The following SUGP2 variants were observed in gnomAD, a reference collection of about 807,000 sequenced individuals.
SUGP2 encodes SURP and G-patch domain-containing protein 2.
SUGP2 carries 24 observed loss-of-function variants against 90.5 expected under a neutral mutation model. The ratio of observed to expected loss-of-function variants is 0.27; its 90% CI spans 0.19 to 0.37. SUGP2 has a LOEUF of 0.37. SUGP2 is among the 10% of genes least tolerant of loss of function. The probability of loss-of-function intolerance (pLI) is 1.00; values close to 1 mark genes in which losing one functional copy is unlikely to be tolerated. For synonymous variants in SUGP2, 473 were observed against 513.4 expected (o/e 0.92, Z 1.06); for missense variants, 1,233 against 1,363.3 (o/e 0.90, Z 1.51).
At position 19,025,229 on chromosome 19, in the gene SUGP2, T is replaced by C; in HGVS notation, c.1119A>G (p.Leu373=). The change falls in exon 3 of 11, where the codon TTA becomes TTG. Residue 373 remains leucine (L), a synonymous_variant. Transcript: ENST00000452918. ...AGCAAAAATCTCTGTGCTCTGGTTT[T>C]AAGGAACATTTGAATGAGGCAAGCA... The part of the protein sequence containing the change: ...AKMLASFKCS[L]KPEHRDFCFF... The C allele has an allele frequency of 6.2e-7, 1 of 1,613,218 alleles. No individual in the cohort carries two copies. The highest frequency in any genetic ancestry group is 1.3e-5 in the African/African-American group (1 of 75,048).
chr19:18,991,572 T>C lies in SUGP2; in HGVS notation c.*2169A>G, dbSNP rs1380746065. On this transcript the variant is annotated 3_prime_UTR_variant, in exon 11 of 11. Transcript: ENST00000452918. ...CATTTAACTTTTTAATAAAATGAAG[T>C]GGAGAAAGTCAAGAATGAACATGCT... The C allele has an allele frequency of 6.6e-6, 1 of 152,090 alleles. No individual in the cohort carries two copies. Among genetic ancestry groups the C allele is most frequent in the African/African-American group, 2.4e-5 (1 of 41,392 alleles). 9.4% of individuals were successfully genotyped at this position (152,090 alleles called of 1,614,324 possible).
chr19:19,022,160 A>G (rs2058752579), intron 3 of SUGP2, among the ~76,000 whole-genome samples: 1 of 151,772 alleles, frequency 6.6e-6, no homozygotes, highest in Admixed American at 6.6e-5. Context: ...AATTTTTTGT[A>G]TTTTTAGTAG....
intron 3 of SUGP2, among the ~76,000 whole-genome samples, chr19:19,022,009 AGAGTCTC>A (rs375903680): frequency 8.6e-4 from 130 of 151,032 alleles, no homozygotes; most frequent in Middle Eastern, 7.0e-3. Flanking sequence ...TTTTGGAGAC[AGAGTCTC>A]GCTCTGTCGC....
rs557391030 is a variant in SUGP2, at chr19:19,000,021, T to C, written c.2991+1592A>G. Among the ~76,000 whole-genome samples, 27 of 152,330 alleles carry C rather than the reference T, an allele frequency of 1.8e-4. No individual in the cohort carries two copies. The South Asian group carries it at 5.4e-3, about 30-fold the overall frequency. ...ATGCCCTGGTCCAACTGTCTTAAGTTTGAGCCTCCTCCTGGTTCCCGCCCA... is the reference window on the plus strand; with the variant it reads ...ATGCCCTGGTCCAACTGTCTTAAGTCTGAGCCTCCTCCTGGTTCCCGCCCA... On this transcript the variant is annotated intron_variant, in intron 8 of 10. Transcript: ENST00000452918.
At chr19:19,023,047 A>C (rs2058788768) in intron 3 of SUGP2, among the ~76,000 whole-genome samples, 1 of 152,188 alleles carries the variant, frequency 6.6e-6, no homozygotes. Context: ...GAGGGAAACC[A>C]AACAGCTCAT....
In SUGP2 at chr19:19,025,688, G is replaced by C. The variant is rs762224253; in HGVS notation, c.660C>G (p.Asp220Glu). 6.2e-7 allele frequency: 1 copy of C among 1,614,016 alleles called. No individual in the cohort carries two copies. The highest frequency in any genetic ancestry group is 2.2e-5 in the East Asian group (1 of 44,884). The change falls in exon 3 of 11, where the codon GAC (aspartate) becomes GAG (glutamate). Residue 220 changes from aspartate to glutamate, a missense_variant. Coordinates refer to ENST00000452918, the MANE Select transcript of SUGP2 (RefSeq NM_001017392.5). The part of the protein sequence containing the change: ...QARGRALNIV[D>E]QEGSLLGKGE... ...CCTTTCCTAGGAGGGAACCTTCCTG[G>C]TCAACGATGTTTAGAGCTCGACCTC...
intron 8 of SUGP2, among the ~76,000 whole-genome samples, chr19:18,997,019 T>C (rs1019473698): frequency 3.3e-5 from 5 of 151,426 alleles, no homozygotes; most frequent in African/African-American, 1.2e-4. Context: ...TAGATGACCC[T>C]GGGCATGGGA....
chr19:19,019,380 G>A, intron 3 of SUGP2, 151 bp from the exon 4 acceptor site: 2 of 825,854 alleles, frequency 2.4e-6, no homozygotes, highest in East Asian at 2.9e-5. Flanking sequence ...ATTGAAAAGA[G>A]GAAAACAACC....
At chr19:19,020,589 A>G (rs2058687366) in intron 3 of SUGP2, among the ~76,000 whole-genome samples, 1 of 151,518 alleles carries the variant, frequency 6.6e-6, no homozygotes, top group Non-Finnish European at 1.5e-5. Context: ...GATTACAGAC[A>G]TGCGCCACCA....
At chr19:19,003,095 C>T (rs2057911935) in intron 7 of SUGP2, among the ~76,000 whole-genome samples, 1 of 152,218 alleles carries the variant, frequency 6.6e-6, no homozygotes, top group African/African-American at 2.4e-5. Context: ...GCACGAGCCA[C>T]TGCGCCTGGC....
chr19:19,025,112 C>T lies in SUGP2; in HGVS notation c.1236G>A (p.Val412=), dbSNP rs2058871451. ...FLNMLLDKGA[V]KTKNCFFEII... is the part of the protein sequence containing the mutation. ...TTTCAAAAAAGCAATTTTTGGTCTT[C>T]ACAGCACCTTTGTCTAAAAGCATGT... Residue 412 remains valine, a synonymous_variant, in exon 3 of 11, where the codon GTG becomes GTA. Coordinates refer to ENST00000452918, the MANE Select transcript of SUGP2 (RefSeq NM_001017392.5). 6.2e-7 allele frequency: 1 copy of T among 1,614,020 alleles called. No homozygotes were observed. Among genetic ancestry groups the T allele is most frequent in the African/African-American group, 1.3e-5 (1 of 75,012 alleles).
At chr19:19,023,246 G>A (rs1430889705) in intron 3 of SUGP2, among the ~76,000 whole-genome samples, 1 of 152,260 alleles carries the variant, frequency 6.6e-6, no homozygotes, top group Non-Finnish European at 1.5e-5. Flanking sequence ...GCTCAAGCAC[G>A]ACCTCTCCAA....
At chr19:19,000,388 T>G (rs550905823) in intron 8 of SUGP2, among the ~76,000 whole-genome samples, 58 of 152,360 alleles carry the variant, frequency 3.8e-4, no homozygotes, top group African/African-American at 1.3e-3. Context: ...TCCCCAGGAC[T>G]GCCTCATCCA....
chr19:18,991,463 C>CT lies in SUGP2; in HGVS notation c.*2277dup, dbSNP rs1380091510. On this transcript the variant is annotated 3_prime_UTR_variant, in exon 11 of 11. Transcript: ENST00000452918. ...TGTGCCCTTTGACCCCTGCCAAGGA[C>CT]TCACAGAACCATCTCAGCTCAAACT... The CT allele has an allele frequency of 2.0e-5, 3 of 152,298 alleles. No individual in the cohort carries two copies. The highest frequency in any genetic ancestry group is 4.4e-5 in the Non-Finnish European group (3 of 68,100). 9.4% of individuals were successfully genotyped at this position (152,298 alleles called of 1,614,324 possible).
chr19:19,019,167 T>C lies in SUGP2; in HGVS notation c.1792A>G (p.Ile598Val), dbSNP rs372710798. ...TCTTTGGGAGACAGGCTGCCTTCGA[T>C]GACACGTTTCACAAGCTGGTCGATG... ...GTIDQLVKRV[I>V]EGSLSPKERT... Residue 598 changes from isoleucine to valine, a missense_variant, in exon 4 of 11, where the codon ATC becomes GTC. Coordinates refer to ENST00000452918, the MANE Select transcript of SUGP2 (RefSeq NM_001017392.5). The C allele has an allele frequency of 2.5e-6, 4 of 1,614,066 alleles. No homozygotes were observed. In the African/African-American group the frequency reaches 4.0e-5, roughly 16 times the overall value.
intron 4 of SUGP2, among the ~76,000 whole-genome samples, chr19:19,013,031 T>C (rs530617168): frequency 6.6e-6 from 1 of 152,170 alleles, no homozygotes; most frequent in Admixed American, 6.5e-5. Flanking sequence ...ACCCAGCTAA[T>C]TTTCGAATTT....
At position 19,001,730 on chromosome 19, in the gene SUGP2, T is replaced by TA. The variant is rs1005407917; in HGVS notation, c.2930-57dup. 6.0e-5 allele frequency: 94 copies of TA among 1,568,314 alleles called. No homozygotes were observed. In the African/African-American group the frequency reaches 1.1e-3, roughly 19 times the overall value. On this transcript the variant is annotated intron_variant, in intron 7 of 10. Transcript: ENST00000452918. ...ATACATGTGCTTTTCCTAAATTACT[T>TA]AGAGACTGAAGATCTTGCAGTCTAT...
chr19:19,000,003 G>A (rs111899255), intron 8 of SUGP2, among the ~76,000 whole-genome samples: 1,809 of 152,258 alleles, frequency 0.012, 44 homozygotes, highest in African/African-American at 0.041. Context: ...CTCATGCCCT[G>A]GTCCAACTGT....
At chr19:19,011,700 C>T (rs890065433) in intron 4 of SUGP2, among the ~76,000 whole-genome samples, 1 of 151,996 alleles carries the variant, frequency 6.6e-6, no homozygotes, top group Non-Finnish European at 1.5e-5. Context: ...TGATTTCATA[C>T]ATAACGAACT....
Sources: gnomAD v4.1 joint callset for allele counts (sites outside exome capture counted in the v4.1 genomes callset) on GRCh38, gnomAD v4.1.1 for gene constraint, MANE v1.5 for transcripts, NCBI Gene and HGNC (gene_info 2026-07-23, HGNC 2026-07-21) for gene names.